The following CRB1 variants were observed in gnomAD, a reference collection of about 807,000 sequenced individuals.
CRB1 encodes the protein protein crumbs homolog 1.
A neutral mutation model predicts 120.0 loss-of-function variants in CRB1; 83 were observed. The ratio of observed to expected loss-of-function variants is 0.69; its 90% CI spans 0.58 to 0.83. The LOEUF is 0.83. CRB1 is among the 40% of genes least tolerant of loss of function. CRB1 has a pLI of 0.00. For synonymous variants in CRB1, 625 were observed against 612.5 expected (o/e 1.02, Z -0.30); for missense variants, 1,699 against 1,687.6 (o/e 1.01, Z -0.12).
the CRB1 span, among the ~76,000 whole-genome samples, chr1:197,254,161 T>C: frequency 6.6e-6 from 1 of 152,054 alleles, no homozygotes; most frequent in East Asian, 1.9e-4. Flanking sequence ...ACCGCACTTG[T>C]ATTTGATAGA....
At chr1:197,442,035 G>A in intron 10 of CRB1, 131 bp from the exon 11 acceptor site, 1 of 1,009,290 alleles carries the variant, frequency 9.9e-7, no homozygotes, top group South Asian at 1.3e-5. Context: ...TATCAAGTAT[G>A]TATAAAGTAT....
chr1:197,447,904 ATCT>A (rs897611790), intron 11 of CRB1, among the ~76,000 whole-genome samples: 6 of 151,144 alleles, frequency 4.0e-5, no homozygotes, highest in Admixed American at 6.6e-5. Flanking sequence ...CTCTCACAGT[ATCT>A]TTTTTTACTG....
intron 5 of CRB1, among the ~76,000 whole-genome samples, chr1:197,389,547 G>A (rs1015173841): frequency 1.3e-5 from 2 of 152,090 alleles, no homozygotes; most frequent in African/African-American, 4.8e-5. Context: ...GAAGGGAAGC[G>A]AGAATTTGGT....
intron 4 of CRB1, among the ~76,000 whole-genome samples, chr1:197,354,062 TAACTGGGGAAAACGTA>T (rs1261322985): frequency 6.6e-6 from 1 of 150,410 alleles, no homozygotes; most frequent in Non-Finnish European, 1.5e-5. Context: ...AGCTCAATAT[TAACTGGGGAAAACGTA>T]AACCAAAGTA....
the CRB1 span, among the ~76,000 whole-genome samples, chr1:197,249,833 G>A: frequency 2.0e-5 from 3 of 151,994 alleles, no homozygotes; most frequent in African/African-American, 7.2e-5. Flanking sequence ...AAAGTCCAGA[G>A]TGCAAAAATT....
intron 1 of CRB1, among the ~76,000 whole-genome samples, chr1:197,304,889 G>A (rs912818315): frequency 1.3e-5 from 2 of 152,174 alleles, no homozygotes; most frequent in African/African-American, 4.8e-5. Flanking sequence ...AATGGTGGCA[G>A]TGACACAGAG....
intron 5 of CRB1, among the ~76,000 whole-genome samples, chr1:197,402,076 A>G (rs1418937869): frequency 6.6e-6 from 1 of 152,070 alleles, no homozygotes; most frequent in African/African-American, 2.4e-5. Flanking sequence ...GATTAGGAGT[A>G]CATGTGCAGG....
intron 1 of CRB1, among the ~76,000 whole-genome samples, chr1:197,302,472 G>A (rs1656924502): frequency 6.6e-6 from 1 of 152,142 alleles, no homozygotes; most frequent in Admixed American, 6.5e-5. Context: ...TATCTCTGAG[G>A]TATGCCTATA....
At chr1:197,450,490 G>C (rs1665906094) in intron 11 of CRB1, among the ~76,000 whole-genome samples, 1 of 152,094 alleles carries the variant, frequency 6.6e-6, no homozygotes, top group Non-Finnish European at 1.5e-5. Context: ...ACCAGGTAGT[G>C]AGCATAGTAA....
Position 197,421,731 on chromosome 1 carries a change from T to C in CRB1, c.1903T>C (p.Ser635Pro). 6.2e-7 allele frequency: 1 copy of C among 1,614,182 alleles called. No individual in the cohort carries two copies. The highest frequency in any genetic ancestry group is 1.7e-5 in the Admixed American group (1 of 60,028). Residue 635 changes from serine (S) to proline (P), a missense_variant, in exon 6 of 12, where the codon TCC becomes CCC. By Grantham distance (74) the Ser-to-Pro change is moderately conservative (BLOSUM62 -1). Coordinates refer to ENST00000367400, the MANE Select transcript of CRB1 (RefSeq NM_201253.3). ...VALLNFYNMPSTPSFVGCLQD... is the reference protein window; with the variant it reads ...VALLNFYNMPPTPSFVGCLQD... ...TCTGCTTAACTTCTATAATATGCCA[T>C]CCACACCTTCGTTTGTAGGCTGTCT...
At chr1:197,268,232 C>T (rs2125193634), upstream of CRB1, 1 of 608,402 alleles carries the variant, frequency 1.6e-6, no homozygotes, top group East Asian at 2.9e-5. Context: ...CTAAGAAGCA[C>T]AAACTGCATT....
At chr1:197,361,155 T>G (rs2125362099) in intron 5 of CRB1, among the ~76,000 whole-genome samples, 1 of 152,222 alleles carries the variant, frequency 6.6e-6, no homozygotes, top group East Asian at 1.9e-4. Flanking sequence ...ACTTTTTTGC[T>G]TCTAAGTTCA....
chr1:197,471,227 A>G (rs1237279154), intron 11 of CRB1, among the ~76,000 whole-genome samples: 3 of 152,086 alleles, frequency 2.0e-5, no homozygotes, highest in Non-Finnish European at 4.4e-5. Context: ...ATGACCCCCA[A>G]TCAGCATAGT....
At chr1:197,439,090 T>C (rs960192640) in intron 10 of CRB1, 2 of 172,606 alleles carry the variant, frequency 1.2e-5, no homozygotes, top group Non-Finnish European at 2.5e-5. Flanking sequence ...CATATGAGTC[T>C]ACTTTTCCCA....
At chr1:197,395,503 G>A (rs1401256319) in intron 5 of CRB1, among the ~76,000 whole-genome samples, 1 of 152,096 alleles carries the variant, frequency 6.6e-6, no homozygotes, top group Non-Finnish European at 1.5e-5. Flanking sequence ...TAAGTCCCAA[G>A]TTGGAACATG....
At chr1:197,382,369 G>A (rs1286900266) in intron 5 of CRB1, among the ~76,000 whole-genome samples, 2 of 152,026 alleles carry the variant, frequency 1.3e-5, no homozygotes, top group African/African-American at 4.8e-5. Flanking sequence ...GAATAGACTT[G>A]ATAACCAATA....
intron 4 of CRB1, among the ~76,000 whole-genome samples, chr1:197,353,599 G>C (rs1179716281): frequency 6.6e-6 from 1 of 151,972 alleles, no homozygotes; most frequent in Non-Finnish European, 1.5e-5. Flanking sequence ...TCAGGAGCTC[G>C]AGACTAGACT....
chr1:197,316,642 A>C (rs1209522667), intron 1 of CRB1, among the ~76,000 whole-genome samples: 1 of 152,224 alleles, frequency 6.6e-6, no homozygotes, highest in Non-Finnish European at 1.5e-5. Context: ...TAATTTATAC[A>C]TGCCATTTTT....
At chr1:197,366,801 T>C (rs1377130270) in intron 5 of CRB1, among the ~76,000 whole-genome samples, 1 of 152,196 alleles carries the variant, frequency 6.6e-6, no homozygotes, top group Non-Finnish European at 1.5e-5. Context: ...AAAAGTCTCA[T>C]TTGGTAAGGT....
Sources: gnomAD v4.1 joint callset for allele counts (sites outside exome capture counted in the v4.1 genomes callset) on GRCh38, gnomAD v4.1.1 for gene constraint, MANE v1.5 for transcripts, NCBI Gene and HGNC (gene_info 2026-07-23, HGNC 2026-07-21) for gene names.